SYT10: variants seen among roughly 807,000 people sequenced by gnomAD.
The protein encoded by SYT10 is synaptotagmin-10.
A neutral mutation model predicts 51.1 loss-of-function variants in SYT10; 31 were observed. The observed-to-expected ratio is 0.61, with a 90% CI of 0.46 to 0.82. SYT10 has a LOEUF of 0.82. Ranked by LOEUF, SYT10 falls within the 40% of genes least tolerant of loss-of-function variation. The probability of loss-of-function intolerance (pLI) is 0.00; values close to 1 mark genes in which losing one functional copy is unlikely to be tolerated. For synonymous variants in SYT10, 233 were observed against 225.9 expected, an observed-to-expected ratio of 1.03 and a Z score of -0.28; for missense variants, 603 against 634.0, an observed-to-expected ratio of 0.95 and a Z score of 0.53.
At chr12:33,393,122 T>C (rs1451173695) in intron 3 of SYT10, among the ~76,000 whole-genome samples, 1 of 151,330 alleles carries the variant, frequency 6.6e-6, no homozygotes, top group Non-Finnish European at 1.5e-5. Context: ...AGCCACAAAG[T>C]GACAGAGCTG....
At chr12:33,383,595 C>T (rs1412537972) in intron 4 of SYT10, among the ~76,000 whole-genome samples, 1 of 152,028 alleles carries the variant, frequency 6.6e-6, no homozygotes, top group East Asian at 1.9e-4. Flanking sequence ...GAAGTATGTC[C>T]TAAGGAGAAG....
In SYT10 at chr12:33,416,144, G is replaced by C. The variant is rs1487650797; in HGVS notation, c.510-8788C>G. On this transcript the variant is annotated intron_variant, in intron 2 of 6. Coordinates refer to ENST00000228567, the MANE Select transcript of SYT10 (RefSeq NM_198992.4). ...CACCCAGGCTGGAGTGCAGTGGTGT[G>C]ATCTCAGCTTACAGCAACCTCCTCC... Among the ~76,000 whole-genome samples, 3 of 132,206 alleles carry C rather than the reference G, an allele frequency of 2.3e-5. No individual in the cohort carries two copies. The Admixed American group carries it at 2.4e-4, about 11-fold the overall frequency. 86.7% of individuals were successfully genotyped at this position (132,206 alleles called of 152,430 possible). A position where few individuals can be genotyped will look rare whatever the true frequency, so the allele number is the denominator to read the frequency against.
intron 1 of SYT10, among the ~76,000 whole-genome samples, chr12:33,430,739 T>C (rs1249502392): frequency 6.6e-6 from 1 of 152,166 alleles, no homozygotes; most frequent in Non-Finnish European, 1.5e-5. Flanking sequence ...TCCTGCTTCC[T>C]GTTGTTGCCT....
In SYT10 at chr12:33,426,308, T is replaced by C; in HGVS notation, c.339A>G (p.Lys113=). The change falls in exon 2 of 7, where the codon AAA becomes AAG. Residue 113 remains lysine (K), a synonymous_variant. Coordinates refer to ENST00000228567, the MANE Select transcript of SYT10 (RefSeq NM_198992.4). ...GCTTTTCATTTTCCTTAATTTCTTT[T>C]TTCTCTTCAGTCTCAAAAACTTCAG... ...APTEVFETEE[K]KEIKENEKPA... is the part of the protein sequence containing the mutation. 6.2e-7 allele frequency: 1 copy of C among 1,614,100 alleles called. No individual in the cohort carries two copies. The highest frequency in any genetic ancestry group is 8.5e-7 in the Non-Finnish European group (1 of 1,180,026).
At chr12:33,396,933 G>C (rs1229574002) in intron 3 of SYT10, among the ~76,000 whole-genome samples, 4 of 152,070 alleles carry the variant, frequency 2.6e-5, no homozygotes, top group Non-Finnish European at 5.9e-5. Context: ...CCACCGTGCT[G>C]GGCCCAGAAT....
rs771002408 is a variant in SYT10 at position 33,407,251 on chromosome 12, G to A, written c.615C>T (p.Ser205=). The change falls in exon 3 of 7, where the codon AGC becomes AGT. Residue 205 remains serine (S), a synonymous_variant. Transcript: ENST00000228567. ...PVLQRGETTT[S]IGRIKPELYK... ...AGAGTTCTGGCTTTATCCTCCCAAT[G>A]CTGGTTGTTGTTTCTCCTCGTTGTA... 6.2e-7 allele frequency: 1 copy of A among 1,614,008 alleles called. No individual in the cohort carries two copies. The highest frequency in any genetic ancestry group is 2.2e-5 in the East Asian group (1 of 44,872).
In SYT10 at chr12:33,429,087, G is replaced by C. The variant is rs79421319; in HGVS notation, c.152-2592C>G. The stretch of plus-strand genomic sequence containing the variant: ...ACTTCAGCATGCTTCAGAATGGTGA[G>C]AAGGAATCAGTGGACAAGAATGGAT... On this transcript the variant is annotated intron_variant, in intron 1 of 6. Transcript: ENST00000228567. Among the ~76,000 whole-genome samples, 998 of 152,260 alleles carry C rather than the reference G, an allele frequency of 6.6e-3. 10 individuals carry two copies. Among genetic ancestry groups the C allele is most frequent in the African/African-American group, 0.022 (915 of 41,546 alleles).
At chr12:33,438,147 G>A (rs73313953) in intron 1 of SYT10, among the ~76,000 whole-genome samples, 14,996 of 152,048 alleles carry the variant, frequency 0.099, 2,103 homozygotes, top group East Asian at 0.64. Context: ...GTGGTGGAGA[G>A]GATTCACTAA....
intron 3 of SYT10, among the ~76,000 whole-genome samples, chr12:33,403,910 T>C (rs1397868916): frequency 6.6e-6 from 1 of 152,198 alleles, no homozygotes; most frequent in Non-Finnish European, 1.5e-5. Flanking sequence ...AGTCTAGAAA[T>C]TTAGGTTTCA....
At chr12:33,425,238 T>C (rs1016229193) in intron 2 of SYT10, among the ~76,000 whole-genome samples, 16 of 152,088 alleles carry the variant, frequency 1.1e-4, no homozygotes, top group African/African-American at 3.9e-4. Flanking sequence ...TTGCAGGAAA[T>C]AGCAGTTACC....
At chr12:33,406,098 T>C (rs1461453357) in intron 3 of SYT10, among the ~76,000 whole-genome samples, 2 of 152,056 alleles carry the variant, frequency 1.3e-5, no homozygotes, top group Non-Finnish European at 2.9e-5. Flanking sequence ...ATATTAAATA[T>C]AATTGGTAGC....
chr12:33,411,613 C>A (rs1366523684), intron 2 of SYT10, among the ~76,000 whole-genome samples: 2 of 152,106 alleles, frequency 1.3e-5, no homozygotes, highest in African/African-American at 4.8e-5. Context: ...GAGAAACATA[C>A]TAGAACTACT....
chr12:33,421,244 A>G (rs532961020), intron 2 of SYT10, among the ~76,000 whole-genome samples: 27 of 152,160 alleles, frequency 1.8e-4, no homozygotes, highest in Non-Finnish European at 3.5e-4. Flanking sequence ...AATATTGTAA[A>G]TTCATCAGCA....
At chr12:33,419,344 G>A (rs1437156877) in intron 2 of SYT10, among the ~76,000 whole-genome samples, 2 of 152,028 alleles carry the variant, frequency 1.3e-5, no homozygotes, top group Non-Finnish European at 2.9e-5. Context: ...TATGACATAA[G>A]TGTTCAATAA....
rs147170219 is a variant in SYT10, at chr12:33,404,211, T to C, written c.1077+2578A>G. On this transcript the variant is annotated intron_variant, in intron 3 of 6. Coordinates refer to ENST00000228567, the MANE Select transcript of SYT10 (RefSeq NM_198992.4). ...GTGATTAAGATTATGGATTTTGAGA[T>C]GGGGAGATTTTCCTAGATTACCCAC... Among the ~76,000 whole-genome samples the C allele has an allele frequency of 3.3e-5, 5 of 152,156 alleles. No homozygotes were observed. The East Asian group carries it at 9.7e-4, about 30-fold the overall frequency.
intron 3 of SYT10, among the ~76,000 whole-genome samples, chr12:33,397,306 T>C (rs56150403): frequency 0.51 from 77,512 of 151,860 alleles, 22,042 homozygotes; most frequent in East Asian, 0.89. Flanking sequence ...CAAGAGACAG[T>C]TACCCTGGAG....
intron 1 of SYT10, among the ~76,000 whole-genome samples, chr12:33,434,396 T>C (rs1866620898): frequency 6.6e-6 from 1 of 152,222 alleles, no homozygotes. Context: ...TACAGATGTA[T>C]ACAATTTAGT....
At chr12:33,402,009 T>C (rs2138409452) in intron 3 of SYT10, among the ~76,000 whole-genome samples, 1 of 152,280 alleles carries the variant, frequency 6.6e-6, no homozygotes, top group East Asian at 1.9e-4. Context: ...TAGCATATAT[T>C]AGCTTCTTTC....
At chr12:33,391,834 T>C (rs562241968) in intron 3 of SYT10, among the ~76,000 whole-genome samples, 4 of 152,046 alleles carry the variant, frequency 2.6e-5, no homozygotes, top group Non-Finnish European at 5.9e-5. Context: ...ACTAAATGAG[T>C]AAATAAATAA....
Sources: allele counts gnomAD v4.1 joint callset (sites outside exome capture counted in the v4.1 genomes callset), GRCh38; gene constraint gnomAD v4.1.1; transcripts MANE v1.5; gene names NCBI Gene and HGNC (gene_info 2026-07-23, HGNC 2026-07-21).